Variants in CASK observed in about 807,000 individuals in gnomAD.
The protein encoded by CASK is peripheral plasma membrane protein CASK.
Under a neutral mutation model 82.9 loss-of-function variants are expected in CASK, and 4 were observed. The ratio of observed to expected loss-of-function variants is 0.05; its 90% CI spans 0.02 to 0.11. CASK has a LOEUF of 0.11. CASK is among the 10% of genes least tolerant of loss of function. The pLI, the probability that CASK is intolerant of heterozygous loss-of-function variation, is 1.00. For missense variants in CASK, 358 were observed against 720.9 expected, an observed-to-expected ratio of 0.50 and a Z score of 5.76; for synonymous variants, 259 against 253.5, an observed-to-expected ratio of 1.02 and a Z score of -0.20.
At chrX:41,853,045 G>A in intron 2 of CASK, 70 bp downstream of exon 2, 2 of 713,819 alleles carry the variant, frequency 2.8e-6, no homozygotes, top group Non-Finnish European at 4.5e-6. Context: ...TGAAGGTTAG[G>A]TTGGTAAATG....
intron 5 of CASK, among the ~76,000 whole-genome samples, chrX:41,731,793 G>T (rs2068400993): frequency 9.0e-6 from 1 of 110,760 alleles, no homozygotes; most frequent in Non-Finnish European, 1.9e-5. Context: ...TGGAGACAGG[G>T]TCTGTCTCTG....
At chrX:41,867,511 T>C (rs2071613995) in intron 1 of CASK, among the ~76,000 whole-genome samples, 1 of 112,419 alleles carries the variant, frequency 8.9e-6, no homozygotes, top group Non-Finnish European at 1.9e-5. Context: ...AGCTGTAAAA[T>C]CATATAACAT....
At chrX:41,568,265 A>G (rs1199361877) in intron 16 of CASK, among the ~76,000 whole-genome samples, 1 of 111,315 alleles carries the variant, frequency 9.0e-6, no homozygotes, top group African/African-American at 3.3e-5. Flanking sequence ...AAGAAAAAAA[A>G]AAGAAAGAAT....
rs779645879 is a variant in CASK, at chrX:41,520,252, T to C, written c.*168A>G. 3 of 410,197 alleles carry C rather than the reference T, an allele frequency of 7.3e-6. No individual in the cohort carries two copies. The highest frequency in any genetic ancestry group is 3.8e-5 in the East Asian group (1 of 26,623). 33.8% of individuals were successfully genotyped at this position (410,197 alleles called of 1,213,427 possible). A position where few individuals can be genotyped will look rare whatever the true frequency, so the allele number is the denominator to read the frequency against. On this transcript the variant is annotated 3_prime_UTR_variant, in exon 27 of 27. Coordinates refer to ENST00000378163, the MANE Select transcript of CASK (RefSeq NM_001367721.1). Reference sequence around the variant, plus strand: ...ACTGTCTCTTTAAATTAGTGTGTAATTGTTTTTCTCCTCCTATCTATTCGG... The same window carrying C: ...ACTGTCTCTTTAAATTAGTGTGTAACTGTTTTTCTCCTCCTATCTATTCGG...
At chrX:41,770,314 AT>A (rs2069214622) in intron 3 of CASK, among the ~76,000 whole-genome samples, 1 of 77,053 alleles carries the variant, frequency 1.3e-5, no homozygotes, top group African/African-American at 5.0e-5. Flanking sequence ...CTACCTACCT[AT>A]CCATCCATCC....
At chrX:41,868,989 A>T (rs2071644159) in intron 1 of CASK, among the ~76,000 whole-genome samples, 1 of 111,664 alleles carries the variant, frequency 9.0e-6, no homozygotes, top group Non-Finnish European at 1.9e-5. Flanking sequence ...GATAACCTAC[A>T]CTAGCCTTCC....
At chrX:41,619,629 T>C (rs2066256547) in intron 11 of CASK, among the ~76,000 whole-genome samples, 1 of 112,097 alleles carries the variant, frequency 8.9e-6, no homozygotes, top group Non-Finnish European at 1.9e-5. Context: ...GAGTCTAGAA[T>C]AATCTCATTA....
intron 12 of CASK, 116 bp downstream of exon 12, chrX:41,609,788 A>G: frequency 1.4e-6 from 1 of 727,565 alleles, no homozygotes; most frequent in Non-Finnish European, 2.1e-6. Flanking sequence ...CAGTCTCCTG[A>G]CCTCCTGATA....
intron 2 of CASK, among the ~76,000 whole-genome samples, chrX:41,815,878 T>G (rs2147893668): frequency 8.9e-6 from 1 of 112,205 alleles, no homozygotes; most frequent in African/African-American, 3.2e-5. Flanking sequence ...AGTTTTTTTT[T>G]GAGACAGGAT....
chrX:41,893,565 C>T (rs536601598), intron 1 of CASK, among the ~76,000 whole-genome samples: 1 of 111,537 alleles, frequency 9.0e-6, no homozygotes, highest in Middle Eastern at 4.6e-3. Flanking sequence ...ATCTACTGCT[C>T]CTGGCTGACT....
At chrX:41,671,077 C>A (rs1039143833) in intron 6 of CASK, among the ~76,000 whole-genome samples, 6 of 111,895 alleles carry the variant, frequency 5.4e-5, no homozygotes, top group East Asian at 2.8e-4. Flanking sequence ...TCAGTGTAAA[C>A]CAGGAAGTGG....
chrX:41,772,382 G>A (rs1452335016), intron 3 of CASK, among the ~76,000 whole-genome samples: 3 of 92,399 alleles, frequency 3.2e-5, no homozygotes, highest in Non-Finnish European at 4.3e-5. Flanking sequence ...GAATTACAAA[G>A]CTACAAGTTG....
chrX:41,640,167 C>T (rs2066624127), intron 8 of CASK, among the ~76,000 whole-genome samples: 1 of 110,742 alleles, frequency 9.0e-6, no homozygotes, highest in African/African-American at 3.3e-5. Context: ...AGTGGTTATA[C>T]CATTTTACGT....
Position 41,899,829 on chromosome X carries a change from T to C in CASK, c.59+23101A>G, listed in dbSNP as rs1015194730. 1.2e-4 allele frequency among the ~76,000 whole-genome samples: 13 copies of C among 111,680 alleles called. No individual in the cohort carries two copies. The Admixed American group carries it at 1.2e-3, about 11-fold the overall frequency. On this transcript the variant is annotated intron_variant, in intron 1 of 26. Transcript: ENST00000378163. ...CATTACAGCATTAGAGTATTTTGAA[T>C]TTAACTATATTCTTACTTTTATAGT... is the stretch of plus-strand genomic sequence containing the variant.
At chrX:41,918,521 T>C (rs758336567) in intron 1 of CASK, among the ~76,000 whole-genome samples, 6 of 112,507 alleles carry the variant, frequency 5.3e-5, no homozygotes, top group African/African-American at 9.7e-5. Flanking sequence ...TCAACTGTTA[T>C]TGAAGCAATC....
In CASK at chrX:41,517,853, G is replaced by A; in HGVS notation, c.*2567C>T. Reference sequence around the variant, plus strand: ...CTGAAATTACTCTGAATTCAGAAATGTAAGTATATGCAGCTAGGTCATAAA... The same window carrying A: ...CTGAAATTACTCTGAATTCAGAAATATAAGTATATGCAGCTAGGTCATAAA... On this transcript the variant is annotated 3_prime_UTR_variant, in exon 27 of 27. Coordinates refer to ENST00000378163, the MANE Select transcript of CASK (RefSeq NM_001367721.1). 3 of 639,271 alleles carry A rather than the reference G, an allele frequency of 4.7e-6. No homozygotes were observed. The highest frequency in any genetic ancestry group is 7.4e-6 in the Non-Finnish European group (3 of 406,805). 52.7% of individuals were successfully genotyped at this position (639,271 alleles called of 1,213,427 possible). A position where few individuals can be genotyped will look rare whatever the true frequency, so the allele number is the denominator to read the frequency against.
chrX:41,875,682 G>A (rs892005698), intron 1 of CASK, among the ~76,000 whole-genome samples: 2 of 87,665 alleles, frequency 2.3e-5, no homozygotes, highest in Non-Finnish European at 4.7e-5. Context: ...TAGTACATTA[G>A]TGTATAATGA....
chrX:41,789,323 G>A (rs1197877438), intron 2 of CASK, among the ~76,000 whole-genome samples: 1 of 111,641 alleles, frequency 9.0e-6, no homozygotes, highest in Non-Finnish European at 1.9e-5. Flanking sequence ...GACAAGTGAT[G>A]TGGTACCTGC....
intron 1 of CASK, among the ~76,000 whole-genome samples, chrX:41,914,512 G>A (rs932967653): frequency 9.8e-5 from 11 of 112,310 alleles, no homozygotes; most frequent in Non-Finnish European, 2.1e-4. Flanking sequence ...TTAGTTAGGA[G>A]GTGATGGGAG....
Sources: gnomAD v4.1 joint callset for allele counts (sites outside exome capture counted in the v4.1 genomes callset) on GRCh38, gnomAD v4.1.1 for gene constraint, MANE v1.5 for transcripts, NCBI Gene and HGNC (gene_info 2026-07-23, HGNC 2026-07-21) for gene names.